The following TYW1B variants were observed in gnomAD, a reference collection of about 807,000 sequenced individuals.
The protein encoded by TYW1B is tRNA-yW synthesizing protein 1 homolog B, also known as S-adenosyl-L-methionine-dependent tRNA 4-demethylwyosine synthase TYW1B.
A neutral mutation model predicts 86.9 loss-of-function variants in TYW1B; 73 were observed. The observed-to-expected ratio is 0.84, with a 90% confidence interval of 0.70 to 1.02. TYW1B has a LOEUF of 1.02. TYW1B is among the 50% of genes least tolerant of loss of function. The pLI is 0.00. For missense variants in TYW1B, 637 were observed against 827.4 expected, an observed-to-expected ratio of 0.77 and a Z score of 2.82; for synonymous variants, 248 against 292.8, an observed-to-expected ratio of 0.85 and a Z score of 1.56.
chr7:72,628,072 G>C (rs782017695), intron 12 of TYW1B, among the ~76,000 whole-genome samples: 1 of 152,036 alleles, frequency 6.6e-6, no homozygotes, highest in African/African-American at 2.4e-5. Flanking sequence ...CAGGAGGGTC[G>C]CTTGAGGCCA....
intron 7 of TYW1B, among the ~76,000 whole-genome samples, chr7:72,770,582 T>C (rs1305602932): frequency 6.6e-6 from 1 of 152,124 alleles, no homozygotes; most frequent in Non-Finnish European, 1.5e-5. Flanking sequence ...AAGTATAAAG[T>C]AGTACAACCA....
chr7:72,823,597 C>T (rs529901874), intron 2 of TYW1B, among the ~76,000 whole-genome samples: 37 of 151,116 alleles, frequency 2.4e-4, no homozygotes, highest in Admixed American at 1.6e-3. Flanking sequence ...TCCAGCCTGG[C>T]GACACAGGGA....
chr7:72,627,307 G>A (rs1554439017), intron 12 of TYW1B, among the ~76,000 whole-genome samples: 1 of 151,948 alleles, frequency 6.6e-6, no homozygotes, highest in Non-Finnish European at 1.5e-5. Flanking sequence ...AATTAGCCAG[G>A]TGCGGTAGTG....
At chr7:72,587,726 A>C (rs1430478579) in intron 13 of TYW1B, among the ~76,000 whole-genome samples, 2 of 152,198 alleles carry the variant, frequency 1.3e-5, no homozygotes, top group South Asian at 4.1e-4. Flanking sequence ...CTAATTTCTT[A>C]GTCCTACAAA....
intron 11 of TYW1B, among the ~76,000 whole-genome samples, chr7:72,651,339 C>T (rs1335795947): frequency 6.6e-6 from 1 of 152,112 alleles, no homozygotes; most frequent in African/African-American, 2.4e-5. Context: ...ATAGAGAGGC[C>T]GGGCACAGTG....
intron 13 of TYW1B, among the ~76,000 whole-genome samples, chr7:72,608,519 A>G (rs1554435285): frequency 6.6e-6 from 1 of 152,220 alleles, no homozygotes; most frequent in Non-Finnish European, 1.5e-5. Context: ...ATCAACCACT[A>G]AAAAGTCTAT....
At chr7:72,760,843 A>G (rs1227798197) in intron 7 of TYW1B, among the ~76,000 whole-genome samples, 1 of 152,202 alleles carries the variant, frequency 6.6e-6, no homozygotes, top group Non-Finnish European at 1.5e-5. Flanking sequence ...AAAACTATAA[A>G]CCCAGCCTAC....
At chr7:72,671,467 T>C (rs180918056) in intron 11 of TYW1B, among the ~76,000 whole-genome samples, 28 of 152,314 alleles carry the variant, frequency 1.8e-4, no homozygotes, top group Admixed American at 6.5e-4. Flanking sequence ...TTCACATGAA[T>C]GTATGTCTCA....
At chr7:72,748,045 T>C (rs1262673874) in intron 7 of TYW1B, among the ~76,000 whole-genome samples, 3 of 151,888 alleles carry the variant, frequency 2.0e-5, no homozygotes, top group Non-Finnish European at 4.4e-5. Context: ...CCAAGGCGGG[T>C]GGATCACAAG....
intron 7 of TYW1B, among the ~76,000 whole-genome samples, chr7:72,747,773 C>T (rs782077140): frequency 6.6e-6 from 1 of 152,184 alleles, no homozygotes; most frequent in African/African-American, 2.4e-5. Flanking sequence ...GGAGAAATGA[C>T]AGTTTATTAT....
chr7:72,619,594 T>C (rs1292897479), intron 12 of TYW1B, among the ~76,000 whole-genome samples: 4 of 149,970 alleles, frequency 2.7e-5, no homozygotes, highest in East Asian at 2.0e-4. Flanking sequence ...TGAGCCGAGA[T>C]TGCGCCACTG....
intron 13 of TYW1B, among the ~76,000 whole-genome samples, chr7:72,606,001 C>G (rs2129568160): frequency 6.6e-6 from 1 of 152,056 alleles, no homozygotes; most frequent in African/African-American, 2.4e-5. Flanking sequence ...CTGCTAAGTA[C>G]AGCTAAAAAC....
At chr7:72,675,949 T>C (rs1260786794) in intron 11 of TYW1B, among the ~76,000 whole-genome samples, 4 of 152,058 alleles carry the variant, frequency 2.6e-5, no homozygotes, top group Admixed American at 1.3e-4. Flanking sequence ...TCACACTACA[T>C]AACATGGAAA....
At chr7:72,643,516 G>A (rs1812853947) in intron 11 of TYW1B, among the ~76,000 whole-genome samples, 1 of 152,016 alleles carries the variant, frequency 6.6e-6, no homozygotes, top group Non-Finnish European at 1.5e-5. Flanking sequence ...GAACCTGGGA[G>A]GCGGAGGTGG....
intron 2 of TYW1B, among the ~76,000 whole-genome samples, chr7:72,815,915 G>C (rs1788713909): frequency 1.3e-5 from 2 of 152,158 alleles, no homozygotes; most frequent in African/African-American, 2.4e-5. Flanking sequence ...TGTAGTCCCA[G>C]CTACTCAAGA....
At chr7:72,627,598 A>G (rs2129568673) in intron 12 of TYW1B, among the ~76,000 whole-genome samples, 1 of 152,320 alleles carries the variant, frequency 6.6e-6, no homozygotes, top group South Asian at 2.1e-4. Context: ...TAATATATGC[A>G]TTTACCCTTT....
intron 1 of TYW1B, among the ~76,000 whole-genome samples, chr7:72,827,531 G>A (rs1255657389): frequency 2.0e-5 from 3 of 152,112 alleles, no homozygotes; most frequent in Non-Finnish European, 4.4e-5. Flanking sequence ...TCTTCACTTC[G>A]AAATGAGCAT....
In TYW1B at chr7:72,575,797, A is replaced by C. The variant is rs1811009176; in HGVS notation, c.1786-78T>G. 7.6e-6 allele frequency: 12 copies of C among 1,572,614 alleles called. No homozygotes were observed. In the South Asian group the frequency reaches 1.4e-4, roughly 19 times the overall value. ...AAAATGAATGTTTTTAAAAATCATGAACAAGTCTGATCTTTTCTCCCTATC... is the reference window on the plus strand; with the variant it reads ...AAAATGAATGTTTTTAAAAATCATGCACAAGTCTGATCTTTTCTCCCTATC... On this transcript the variant is annotated intron_variant, in intron 13 of 13. Transcript: ENST00000620995.
intron 13 of TYW1B, among the ~76,000 whole-genome samples, chr7:72,601,940 C>T (rs1440245900): frequency 2.0e-5 from 3 of 152,082 alleles, no homozygotes; most frequent in African/African-American, 4.8e-5. Context: ...ATTTTTAGGG[C>T]AGAAAATTAT....
Sources: gnomAD v4.1 joint callset for allele counts (sites outside exome capture counted in the v4.1 genomes callset) on GRCh38, gnomAD v4.1.1 for gene constraint, MANE v1.5 for transcripts, NCBI Gene and HGNC (gene_info 2026-07-23, HGNC 2026-07-21) for gene names.